LRRC4B: variants seen among roughly 807,000 people sequenced by gnomAD.
LRRC4B encodes the protein leucine rich repeat containing 4B.
In LRRC4B, 1 loss-of-function variant was observed where a neutral mutation model predicts 7.3. The observed-to-expected ratio is 0.14, with a 90% CI of 0.05 to 0.65. The LOEUF (loss-of-function observed/expected upper bound fraction) is 0.65, where lower values mean the gene tolerates loss of function less well. Ranked by LOEUF, LRRC4B falls within the 30% of genes least tolerant of loss-of-function variation. The probability of loss-of-function intolerance (pLI) is 0.84; values close to 1 mark genes in which losing one functional copy is unlikely to be tolerated. For synonymous variants in LRRC4B, 500 were observed against 499.2 expected, an observed-to-expected ratio of 1.00 and a Z score of -0.02; for missense variants, 730 against 1,041.6, an observed-to-expected ratio of 0.70 and a Z score of 4.12.
intron 1 of LRRC4B, among the ~76,000 whole-genome samples, chr19:50,552,654 A>ATCTGTCCG (rs879770597): frequency 0.02 from 2,059 of 100,970 alleles, 109 homozygotes; most frequent in African/African-American, 0.083. Flanking sequence ...CCGTCCATCC[A>ATCTGTCCG]TCCATCCATC....
intron 1 of LRRC4B, among the ~76,000 whole-genome samples, chr19:50,558,196 T>C (rs1982341419): frequency 1.1e-5 from 1 of 92,462 alleles, no homozygotes; most frequent in African/African-American, 4.9e-5. Context: ...GTCAACTGTA[T>C]ACATACACAC....
rs541382926 is a variant in LRRC4B, at chr19:50,548,331, C to G, written c.297+211G>C. On this transcript the variant is annotated intron_variant, in intron 2 of 2. Coordinates refer to ENST00000652263, the MANE Select transcript of LRRC4B (RefSeq NM_001080457.2). This position sits in a 1 kb window ranked among gnomAD's most constrained non-coding sequence, Gnocchi z 6.8. Reference sequence around the variant, plus strand: ...GGGCCCCGACACGGTGGCTCAGAGACAGGGAGCACTGTGCTCTCAAAGCCC... The same window carrying G: ...GGGCCCCGACACGGTGGCTCAGAGAGAGGGAGCACTGTGCTCTCAAAGCCC... 3.5e-4 allele frequency among the ~76,000 whole-genome samples: 54 copies of G among 152,370 alleles called. No homozygotes were observed. The highest frequency in any genetic ancestry group is 7.1e-4 in the Non-Finnish European group (48 of 68,030).
intron 2 of LRRC4B, among the ~76,000 whole-genome samples, chr19:50,526,826 T>G (rs1980827951): frequency 6.6e-6 from 1 of 151,996 alleles, no homozygotes; most frequent in African/African-American, 2.4e-5. Flanking sequence ...ATGCATATTA[T>G]GCAGGGATAT....
At chr19:50,534,930 G>GTGACA (rs1274143173) in intron 2 of LRRC4B, among the ~76,000 whole-genome samples, 2 of 152,090 alleles carry the variant, frequency 1.3e-5, no homozygotes, top group Admixed American at 6.5e-5. Flanking sequence ...CTGGAGTGCA[G>GTGACA]CGATCTCAGC....
At chr19:50,542,980 C>CCAGG (rs1446577826) in intron 2 of LRRC4B, among the ~76,000 whole-genome samples, 5 of 152,270 alleles carry the variant, frequency 3.3e-5, no homozygotes, top group African/African-American at 1.2e-4. Flanking sequence ...CGCACCCAGG[C>CCAGG]CAGGGGCAGG....
At chr19:50,530,148 T>G (rs181569979) in intron 2 of LRRC4B, among the ~76,000 whole-genome samples, 64 of 152,092 alleles carry the variant, frequency 4.2e-4, no homozygotes, top group Non-Finnish European at 9.0e-4. Context: ...CCTCTCTCCC[T>G]GGGCCCGCCG....
Position 50,553,264 on chromosome 19 carries a change from G to T in LRRC4B, c.-35-4391C>A, listed in dbSNP as rs79705522. Among the ~76,000 whole-genome samples, 1,334 of 152,180 alleles carry T rather than the reference G, an allele frequency of 8.8e-3. 25 individuals carry two copies. The highest frequency in any genetic ancestry group is 0.03 in the African/African-American group (1,252 of 41,520). Reference sequence around the variant, plus strand: ...CCCGTGCGTTCCCCACGGGCAGCGAGGGGTATCCTGTCAACACCCCATGGA... The same window carrying T: ...CCCGTGCGTTCCCCACGGGCAGCGATGGGTATCCTGTCAACACCCCATGGA... On this transcript the variant is annotated intron_variant, in intron 1 of 2. Coordinates refer to ENST00000652263, the MANE Select transcript of LRRC4B (RefSeq NM_001080457.2). This position sits in a 1 kb window ranked among gnomAD's most constrained non-coding sequence, Gnocchi z 4.2.
chr19:50,550,896 G>A (rs148078758), intron 1 of LRRC4B: 2 of 152,324 alleles, frequency 1.3e-5, no homozygotes, highest in Non-Finnish European at 2.9e-5. Context: ...AGACCCTGGC[G>A]ATGATCCAGC....
At chr19:50,540,059 T>G (rs538857492) in intron 2 of LRRC4B, among the ~76,000 whole-genome samples, 3 of 152,318 alleles carry the variant, frequency 2.0e-5, no homozygotes, top group African/African-American at 7.2e-5. Flanking sequence ...GTTTTAAAAG[T>G]GAATTGGAGA....
chr19:50,564,881 G>A (rs73932516), intron 1 of LRRC4B, among the ~76,000 whole-genome samples: 8 of 17,954 alleles, frequency 4.5e-4, no homozygotes, highest in African/African-American at 7.4e-4. Context: ...GGCCACCCCC[G>A]CCCCCAATCC....
At position 50,519,362 on chromosome 19, in the gene LRRC4B, C is replaced by T. The variant is rs763712382; in HGVS notation, c.351G>A (p.Leu117=). The change falls in exon 3 of 3, where the codon CTG becomes CTA. Residue 117 remains leucine, a synonymous_variant. Transcript: ENST00000652263. This position sits in a 1 kb window ranked among gnomAD's most constrained non-coding sequence, Gnocchi z 8.1. ...KHLRHLEILQ[L]SKNLVRKIEV... ...CGATCTTGCGCACCAGGTTCTTGCTCAGCTGCAGAATCTCCAGGTGCCGCA... is the reference window on the plus strand; with the variant it reads ...CGATCTTGCGCACCAGGTTCTTGCTTAGCTGCAGAATCTCCAGGTGCCGCA... 35 of 1,610,332 alleles carry T rather than the reference C, an allele frequency of 2.2e-5. No individual in the cohort carries two copies. The highest frequency in any genetic ancestry group is 3.0e-5 in the Non-Finnish European group (35 of 1,179,704).
Position 50,559,607 on chromosome 19 carries a change from G to A in LRRC4B, c.-36+8337C>T, listed in dbSNP as rs143511229. Among the ~76,000 whole-genome samples the A allele has an allele frequency of 5.6e-3, 860 of 152,330 alleles. 10 individuals carry two copies. The highest frequency in any genetic ancestry group is 0.019 in the African/African-American group (781 of 41,566). On this transcript the variant is annotated intron_variant, in intron 1 of 2. Coordinates refer to ENST00000652263, the MANE Select transcript of LRRC4B (RefSeq NM_001080457.2). ...GTTGCCAAGGCTCAGGCAGTGGGGC[G>A]TGAGAGCGAGTTTGCAGGTTGGGAG...
At chr19:50,520,819 A>G (rs1331698454) in intron 2 of LRRC4B, among the ~76,000 whole-genome samples, 1 of 152,142 alleles carries the variant, frequency 6.6e-6, no homozygotes, top group Non-Finnish European at 1.5e-5. Flanking sequence ...TTTGGGATTG[A>G]AGAGGAAAAA....
chr19:50,565,036 G>A (rs964512670), intron 1 of LRRC4B, among the ~76,000 whole-genome samples: 4 of 152,270 alleles, frequency 2.6e-5, no homozygotes, highest in East Asian at 1.9e-4. Context: ...CTGACCTCTC[G>A]GACGGCGAGG....
chr19:50,557,611 G>A (rs1270730908), intron 1 of LRRC4B: 1 of 150,998 alleles, frequency 6.6e-6, no homozygotes, highest in Non-Finnish European at 1.5e-5. Context: ...CCAATTTTCC[G>A]CTAGGAACAG....
At chr19:50,544,312 C>A (rs1568728880) in intron 2 of LRRC4B, among the ~76,000 whole-genome samples, 1 of 151,850 alleles carries the variant, frequency 6.6e-6, no homozygotes, top group Non-Finnish European at 1.5e-5. Flanking sequence ...CAAGACCATC[C>A]TGGCTAACAC....
rs1395898881 is a variant in LRRC4B at position 50,565,551 on chromosome 19, G to GTC, written c.-36+2392_-36+2393insGA. 3.9e-5 allele frequency among the ~76,000 whole-genome samples: 6 copies of GTC among 151,964 alleles called. No individual in the cohort carries two copies. The East Asian group carries it at 7.7e-4, about 20-fold the overall frequency. ...CGTGTGTGTGTGTGTGTGTGTGTGT[G>GTC]TGTGTGTGTGTACCTGCCAGGGGAA... On this transcript the variant is annotated intron_variant, in intron 1 of 2. Transcript: ENST00000652263.
At chr19:50,542,915 C>T (rs1196009414) in intron 2 of LRRC4B, among the ~76,000 whole-genome samples, 1 of 152,192 alleles carries the variant, frequency 6.6e-6, no homozygotes, top group African/African-American at 2.4e-5. Flanking sequence ...CCAGCACCGT[C>T]ACCCCGTGGA....
At position 50,553,512 on chromosome 19, in the gene LRRC4B, C is replaced by T. The variant is rs1230687879; in HGVS notation, c.-35-4639G>A. ...TCCCTTTTCCTGGAATGCTCTTTGC[C>T]GGTTGTCCACAGGGCTCTTGCCCTG... is the stretch of plus-strand genomic sequence containing the variant. On this transcript the variant is annotated intron_variant, in intron 1 of 2. Transcript: ENST00000652263. The surrounding 1 kb of genome is among the most constrained non-coding windows in gnomAD (Gnocchi z 4.2). Among the ~76,000 whole-genome samples the T allele has an allele frequency of 2.6e-5, 4 of 152,198 alleles. No homozygotes were observed. The highest frequency in any genetic ancestry group is 4.4e-5 in the Non-Finnish European group (3 of 68,032).
Sources: gnomAD v4.1 joint callset for allele counts (sites outside exome capture counted in the v4.1 genomes callset) on GRCh38, gnomAD v4.1.1 for gene constraint, Gnocchi (gnomAD v3.1) non-coding constraint, MANE v1.5 for transcripts, NCBI Gene and HGNC (gene_info 2026-07-23, HGNC 2026-07-21) for gene names.